The following BCHE variants were observed in gnomAD, a reference collection of about 807,000 sequenced individuals.
BCHE encodes butyrylcholinesterase.
Under a neutral mutation model 51.3 loss-of-function variants are expected in BCHE, and 48 were observed. That is an observed-to-expected ratio of 0.94 (90% CI 0.74 to 1.19). The LOEUF (loss-of-function observed/expected upper bound fraction) is 1.19, where lower values mean the gene tolerates loss of function less well. Among genes scored for constraint, BCHE ranks in the 50% most tolerant of loss-of-function variants. The pLI is 0.00. For missense variants in BCHE, 847 were observed against 708.2 expected (o/e 1.20, Z -2.23); for synonymous variants, 251 against 238.0 (o/e 1.05, Z -0.50).
chr3:165,794,466 A>C (rs1713292870), intron 2 of BCHE, among the ~76,000 whole-genome samples: 1 of 152,164 alleles, frequency 6.6e-6, no homozygotes, highest in Middle Eastern at 3.2e-3. Flanking sequence ...TGGGAAATTC[A>C]AAATCAAGGC....
intron 2 of BCHE, among the ~76,000 whole-genome samples, chr3:165,796,604 TGTA>T (rs1713386959): frequency 6.6e-6 from 1 of 152,192 alleles, no homozygotes; most frequent in Non-Finnish European, 1.5e-5. Context: ...GTTGCTGAGA[TGTA>T]GTGTGTTTTT....
intron 2 of BCHE, among the ~76,000 whole-genome samples, chr3:165,793,019 T>G (rs915260888): frequency 6.6e-6 from 1 of 152,140 alleles, no homozygotes; most frequent in Non-Finnish European, 1.5e-5. Flanking sequence ...TGAAGAAGAT[T>G]TTTTTAGTTT....
At chr3:165,799,144 T>C (rs1177565468) in intron 2 of BCHE, among the ~76,000 whole-genome samples, 2 of 152,144 alleles carry the variant, frequency 1.3e-5, no homozygotes, top group African/African-American at 4.8e-5. Context: ...TTCTATTTTA[T>C]TTGAAATCTT....
At chr3:165,826,874 G>A (rs1000397891) in intron 2 of BCHE, among the ~76,000 whole-genome samples, 1 of 152,062 alleles carries the variant, frequency 6.6e-6, no homozygotes, top group Non-Finnish European at 1.5e-5. Context: ...GTGGAATGCC[G>A]CCGTGTGCAT....
chr3:165,795,557 G>A (rs1261844842), intron 2 of BCHE, among the ~76,000 whole-genome samples: 1 of 152,104 alleles, frequency 6.6e-6, no homozygotes, highest in African/African-American at 2.4e-5. Flanking sequence ...ACTTTTATTA[G>A]TTGCTTCCTC....
At chr3:165,808,720 T>C (rs1713966938) in intron 2 of BCHE, among the ~76,000 whole-genome samples, 2 of 152,046 alleles carry the variant, frequency 1.3e-5, no homozygotes, top group African/African-American at 4.8e-5. Context: ...AGAGCCATGA[T>C]TGCACCACTG....
chr3:165,782,872 A>C (rs929508602), intron 3 of BCHE, among the ~76,000 whole-genome samples: 1 of 151,700 alleles, frequency 6.6e-6, no homozygotes, highest in African/African-American at 2.4e-5. Flanking sequence ...TTTTTTTTTT[A>C]AAGCATTAAT....
intron 1 of BCHE, among the ~76,000 whole-genome samples, chr3:165,832,929 A>AT (rs1715043504): frequency 6.6e-6 from 1 of 152,074 alleles, no homozygotes; most frequent in Non-Finnish European, 1.5e-5. Context: ...ACCTACAAGT[A>AT]TTTTTTATCC....
intron 1 of BCHE, among the ~76,000 whole-genome samples, chr3:165,836,313 C>T (rs1715187113): frequency 6.6e-6 from 1 of 151,878 alleles, no homozygotes; most frequent in Admixed American, 6.6e-5. Flanking sequence ...AAAGTAACTA[C>T]TTATATAAGT....
chr3:165,816,734 G>C (rs1438345911), intron 2 of BCHE, among the ~76,000 whole-genome samples: 1 of 151,840 alleles, frequency 6.6e-6, no homozygotes, highest in Non-Finnish European at 1.5e-5. Context: ...TGGATACCAT[G>C]TTCTCCTAGT....
intron 2 of BCHE, among the ~76,000 whole-genome samples, chr3:165,822,757 A>G (rs144013537): frequency 1.9e-3 from 285 of 152,098 alleles, no homozygotes; most frequent in African/African-American, 6.7e-3. Context: ...AATAATGATA[A>G]CTTCCATTTT....
chr3:165,807,687 T>C (rs751193661), intron 2 of BCHE, among the ~76,000 whole-genome samples: 2 of 151,880 alleles, frequency 1.3e-5, no homozygotes, highest in Non-Finnish European at 2.9e-5. Context: ...CCAGAGTACC[T>C]GGGACTACAG....
rs1712319986 is a variant in BCHE at position 165,773,144 on chromosome 3, A to G, written c.*238T>C. On this transcript the variant is annotated 3_prime_UTR_variant, in exon 4 of 4. Coordinates refer to ENST00000264381, the MANE Select transcript of BCHE (RefSeq NM_000055.4). Reference sequence around the variant, plus strand: ...AATTGAACCAGGCCATTGTTTTAATATGCACATAATTAACTGTAGAACTTT... The same window carrying G: ...AATTGAACCAGGCCATTGTTTTAATGTGCACATAATTAACTGTAGAACTTT... The G allele has an allele frequency of 2.9e-6, 1 of 347,880 alleles. No individual in the cohort carries two copies. Among genetic ancestry groups the G allele is most frequent in the Non-Finnish European group, 5.2e-6 (1 of 194,052 alleles). 21.5% of individuals were successfully genotyped at this position (347,880 alleles called of 1,614,324 possible).
intron 3 of BCHE, 69 bp from the exon 4 acceptor site, chr3:165,773,575 G>A (rs573549256): frequency 1.6e-4 from 219 of 1,393,150 alleles, no homozygotes; most frequent in Middle Eastern, 1.9e-4. Context: ...AAATAATTTC[G>A]AATACAAAAG....
At chr3:165,796,250 C>A (rs1713371225) in intron 2 of BCHE, among the ~76,000 whole-genome samples, 1 of 151,968 alleles carries the variant, frequency 6.6e-6, no homozygotes, top group Non-Finnish European at 1.5e-5. Context: ...AAGCAAAGAC[C>A]AATTATGATA....
At chr3:165,813,407 C>G (rs1401359120) in intron 2 of BCHE, among the ~76,000 whole-genome samples, 1 of 151,486 alleles carries the variant, frequency 6.6e-6, no homozygotes, top group Non-Finnish European at 1.5e-5. Flanking sequence ...TCATCTTATT[C>G]TTTTCCATTT....
At chr3:165,823,549 A>C (rs1174540149) in intron 2 of BCHE, among the ~76,000 whole-genome samples, 1 of 152,116 alleles carries the variant, frequency 6.6e-6, no homozygotes, top group East Asian at 1.9e-4. Context: ...AATCCTTGAA[A>C]ACTATAACCT....
intron 2 of BCHE, among the ~76,000 whole-genome samples, chr3:165,802,591 T>G (rs2108215089): frequency 6.6e-6 from 1 of 151,982 alleles, no homozygotes; most frequent in South Asian, 2.1e-4. Flanking sequence ...AATTTGCTGA[T>G]GTGGAATGGG....
chr3:165,798,488 T>A (rs528016519), intron 2 of BCHE, among the ~76,000 whole-genome samples: 1 of 152,166 alleles, frequency 6.6e-6, no homozygotes, highest in Non-Finnish European at 1.5e-5. Context: ...CTATAATTCT[T>A]TGAAAGAGGC....
Sources: allele counts gnomAD v4.1 joint callset (sites outside exome capture counted in the v4.1 genomes callset), GRCh38; gene constraint gnomAD v4.1.1; transcripts MANE v1.5; gene names NCBI Gene and HGNC (gene_info 2026-07-23, HGNC 2026-07-21).